KDM2B: variants seen among roughly 807,000 people sequenced by gnomAD.
KDM2B encodes the protein lysine-specific demethylase 2B.
In KDM2B, 26 loss-of-function variants were observed where a neutral mutation model predicts 150.0. The ratio of observed to expected loss-of-function variants is 0.17; its 90% CI spans 0.13 to 0.24. The LOEUF (loss-of-function observed/expected upper bound fraction) is 0.24. Ranked by LOEUF, KDM2B falls within the 10% of genes least tolerant of loss-of-function variation. The pLI, the probability that KDM2B is intolerant of heterozygous loss-of-function variation, is 1.00. For synonymous variants in KDM2B, 734 were observed against 729.5 expected (o/e 1.01, Z -0.10); for missense variants, 1,265 against 1,816.9 (o/e 0.70, Z 5.52).
intron 4 of KDM2B, among the ~76,000 whole-genome samples, chr12:121,551,763 G>C (rs1197227275): frequency 1.3e-5 from 2 of 151,990 alleles, no homozygotes; most frequent in Non-Finnish European, 2.9e-5. Flanking sequence ...ATATTGGCCA[G>C]GCTGGTCTTG....
At chr12:121,547,734 C>T (rs886863872) in intron 6 of KDM2B, among the ~76,000 whole-genome samples, 1 of 151,384 alleles carries the variant, frequency 6.6e-6, no homozygotes, top group Non-Finnish European at 1.5e-5. Flanking sequence ...CCTTCGCCTC[C>T]CAGGTTCAAG....
Position 121,452,445 on chromosome 12 carries a change from C to T in KDM2B, c.1959+675G>A, listed in dbSNP as rs909093532. 1.4e-4 allele frequency among the ~76,000 whole-genome samples: 22 copies of T among 152,248 alleles called. No homozygotes were observed. The highest frequency in any genetic ancestry group is 5.3e-4 in the African/African-American group (22 of 41,470). ...GCGCACCAGGGCCGAGGAATCCCGT[C>T]CCTCCAGCCGAGCCTGCTTTTCCAC... On this transcript the variant is annotated intron_variant, in intron 13 of 22. Coordinates refer to ENST00000377071, the MANE Select transcript of KDM2B (RefSeq NM_032590.5). This position sits in a 1 kb window ranked among gnomAD's most constrained non-coding sequence, Gnocchi z 4.4.
intron 12 of KDM2B, among the ~76,000 whole-genome samples, chr12:121,474,231 C>T (rs552347036): frequency 2.6e-5 from 4 of 152,024 alleles, no homozygotes; most frequent in South Asian, 2.1e-4. Flanking sequence ...AGGTTAGGTA[C>T]GGCCGGGCAC....
intron 4 of KDM2B, among the ~76,000 whole-genome samples, chr12:121,562,731 G>C (rs2136281916): frequency 6.6e-6 from 1 of 151,922 alleles, no homozygotes; most frequent in East Asian, 1.9e-4. Flanking sequence ...AGATAACATG[G>C]GCTTTGAAGA....
chr12:121,483,775 G>A (rs1882429579), intron 12 of KDM2B, among the ~76,000 whole-genome samples: 1 of 152,050 alleles, frequency 6.6e-6, no homozygotes, highest in Admixed American at 6.6e-5. Context: ...AGTGCAGTGG[G>A]GAGAGAAGTG....
chr12:121,457,055 C>T (rs75366591), intron 12 of KDM2B, among the ~76,000 whole-genome samples: 2,230 of 152,210 alleles, frequency 0.015, 48 homozygotes, highest in East Asian at 0.13. Flanking sequence ...CCTCGGAGGC[C>T]TCCATTAAAA....
At chr12:121,497,382 G>T (rs1472536595) in intron 11 of KDM2B, among the ~76,000 whole-genome samples, 1 of 152,114 alleles carries the variant, frequency 6.6e-6, no homozygotes, top group East Asian at 1.9e-4. Context: ...TTGGTTCACT[G>T]CAACCTCTGC....
chr12:121,476,153 G>A (rs1227198364), intron 12 of KDM2B, among the ~76,000 whole-genome samples: 1 of 152,002 alleles, frequency 6.6e-6, no homozygotes, highest in Non-Finnish European at 1.5e-5. Context: ...AAATTAGCTG[G>A]GTATGGTGGC....
chr12:121,491,667 G>A (rs982575976), intron 12 of KDM2B, among the ~76,000 whole-genome samples: 18 of 151,678 alleles, frequency 1.2e-4, no homozygotes, highest in Admixed American at 1.3e-4. Context: ...GGTGGTACGC[G>A]CCTGTAATCC....
chr12:121,461,173 G>C (rs1206457582), intron 12 of KDM2B, among the ~76,000 whole-genome samples: 3 of 152,168 alleles, frequency 2.0e-5, no homozygotes, highest in African/African-American at 7.2e-5. Flanking sequence ...CTGCGTGCCA[G>C]GGGTGGGAGT....
At chr12:121,536,318 AG>A in intron 6 of KDM2B, 1 of 153,202 alleles carries the variant, frequency 6.5e-6, no homozygotes, top group South Asian at 2.1e-4. Context: ...ACAAATCAGA[AG>A]GCCTTCCAGT....
chr12:121,447,464 C>T (rs782034294), intron 13 of KDM2B, among the ~76,000 whole-genome samples: 2 of 151,892 alleles, frequency 1.3e-5, no homozygotes, highest in African/African-American at 2.4e-5. Context: ...AGGCTGGTCT[C>T]GGACTCCTGA....
rs1555288475 is a variant in KDM2B, at chr12:121,442,213, G to A, written c.3228C>T (p.Tyr1076=). 6.2e-7 allele frequency: 1 copy of A among 1,613,504 alleles called. No individual in the cohort carries two copies. The highest frequency in any genetic ancestry group is 8.5e-7 in the Non-Finnish European group (1 of 1,180,034). The part of the protein sequence containing the change: ...HREVWMAVFS[Y]LSHQDLCVCM... ...ACACACACAGGTCTTGGTGGCTGAG[G>A]TAGCTGAAGACGGCCATCCACACCT... The change falls in exon 19 of 23, where the codon TAC becomes TAT. Residue 1076 remains tyrosine (Y), a synonymous_variant. Coordinates refer to ENST00000377071, the MANE Select transcript of KDM2B (RefSeq NM_032590.5). The surrounding 1 kb of genome is among the most constrained non-coding windows in gnomAD (Gnocchi z 7.7).
chr12:121,440,643 G>C (rs1464214393), intron 21 of KDM2B, 173 bp downstream of exon 21: 3 of 630,848 alleles, frequency 4.8e-6, no homozygotes, highest in East Asian at 5.6e-5. Flanking sequence ...GTGTGCACAG[G>C]AGCCCCTGCC....
Position 121,575,967 on chromosome 12 carries a change from C to T in KDM2B, c.272-108G>A. On this transcript the variant is annotated intron_variant, in intron 2 of 22. Coordinates refer to ENST00000377071, the MANE Select transcript of KDM2B (RefSeq NM_032590.5). This position sits in a 1 kb window ranked among gnomAD's most constrained non-coding sequence, Gnocchi z 4.4. ...ACTGATGGACGAAGGGGCAGGGGGT[C>T]CAGGAGATGCAGGCACCAGCTGTAC... 1.3e-6 allele frequency: 1 copy of T among 780,974 alleles called. No homozygotes were observed. Among genetic ancestry groups the T allele is most frequent in the East Asian group, 2.5e-5 (1 of 40,306 alleles). The allele number at this position is 780,974 out of a possible 1,614,324, so 48.4% of individuals were successfully genotyped here.
At chr12:121,539,114 A>T (rs1341926864) in intron 6 of KDM2B, among the ~76,000 whole-genome samples, 1 of 152,030 alleles carries the variant, frequency 6.6e-6, no homozygotes, top group Non-Finnish European at 1.5e-5. Flanking sequence ...AATATTAATT[A>T]ACAGGTTCTA....
In KDM2B at chr12:121,442,206, G is replaced by A; in HGVS notation, c.3235C>T (p.His1079Tyr). 2 of 1,613,528 alleles carry A rather than the reference G, an allele frequency of 1.2e-6. No individual in the cohort carries two copies. The highest frequency in any genetic ancestry group is 1.7e-6 in the Non-Finnish European group (2 of 1,180,020). The change falls in exon 19 of 23, where the codon CAC becomes TAC. Residue 1079 changes from histidine (H) to tyrosine (Y), a missense_variant. His to Tyr is a moderately conservative substitution (Grantham distance 83). Transcript: ENST00000377071. The surrounding 1 kb of genome is among the most constrained non-coding windows in gnomAD (Gnocchi z 7.7). ...CGCATGCACACACACAGGTCTTGGT[G>A]GCTGAGGTAGCTGAAGACGGCCATC... ...VWMAVFSYLS[H>Y]QDLCVCMRVC...
At chr12:121,577,042 A>G (rs183546217) in intron 2 of KDM2B, among the ~76,000 whole-genome samples, 153 of 152,344 alleles carry the variant, frequency 1.0e-3, no homozygotes, top group African/African-American at 3.4e-3. Context: ...AGAAGCTTCT[A>G]TTTTGAATCC....
chr12:121,414,379 C>T, the KDM2B span, among the ~76,000 whole-genome samples: 1 of 152,178 alleles, frequency 6.6e-6, no homozygotes, highest in African/African-American at 2.4e-5. Context: ...CTTTGGCCCT[C>T]GCTGAAAATT....
Sources: allele counts gnomAD v4.1 joint callset (sites outside exome capture counted in the v4.1 genomes callset), GRCh38; gene constraint gnomAD v4.1.1; non-coding constraint Gnocchi (gnomAD v3.1); transcripts MANE v1.5; gene names NCBI Gene and HGNC (gene_info 2026-07-23, HGNC 2026-07-21).